Variants in ARID1B observed in about 807,000 individuals in gnomAD.
ARID1B encodes AT-rich interactive domain-containing protein 1B.
In ARID1B, 30 loss-of-function variants were observed where a neutral mutation model predicts 212.3. That is an observed-to-expected ratio of 0.14 (90% CI 0.11 to 0.19). The LOEUF is 0.19. Ranked by LOEUF, ARID1B falls within the 10% of genes least tolerant of loss-of-function variation. The pLI is 1.00. For missense variants in ARID1B, 2,891 were observed against 3,204.0 expected, an observed-to-expected ratio of 0.90 and a Z score of 2.36; for synonymous variants, 1,402 against 1,301.7, an observed-to-expected ratio of 1.08 and a Z score of -1.66.
At chr6:156,894,292 G>A (rs1289116493) in intron 2 of ARID1B, among the ~76,000 whole-genome samples, 1 of 114,092 alleles carries the variant, frequency 8.8e-6, no homozygotes, top group East Asian at 2.6e-4. Context: ...GGGCCGGGGG[G>A]TTGGGATGGG....
intron 4 of ARID1B, chr6:156,936,659 CAAAAAAAAAA>C (rs1156493021): frequency 1.0e-5 from 1 of 96,432 alleles, no homozygotes; most frequent in Non-Finnish European, 2.3e-5. Context: ...GACTCCATCT[CAAAAAAAAAA>C]AAAAAAAAAA....
chr6:157,048,501 A>G (rs1165953661), intron 4 of ARID1B, among the ~76,000 whole-genome samples: 1 of 152,218 alleles, frequency 6.6e-6, no homozygotes, highest in Non-Finnish European at 1.5e-5. Flanking sequence ...ACAAGTTTGG[A>G]AGGAATAAAA....
intron 4 of ARID1B, among the ~76,000 whole-genome samples, chr6:156,945,307 G>C (rs1310549916): frequency 7.6e-6 from 1 of 132,380 alleles, no homozygotes; most frequent in Non-Finnish European, 1.6e-5. Context: ...TCTGGGTAGA[G>C]TGGTGTGTTA....
intron 3 of ARID1B, among the ~76,000 whole-genome samples, chr6:156,922,328 G>A (rs1377566685): frequency 2.6e-5 from 4 of 151,804 alleles, no homozygotes; most frequent in Admixed American, 6.6e-5. Context: ...GCATGCCACC[G>A]TGCCCAGCTA....
chr6:156,779,086 G>A lies in ARID1B; in HGVS notation c.1406G>A (p.Gly469Glu), dbSNP rs1778967647. Residue 469 changes from glycine to glutamate, a missense_variant, in exon 1 of 20, where the codon GGG becomes GAG. Gly to Glu is a moderately conservative substitution (Grantham distance 98). Around this residue, in one of 7 missense-constraint regions of ARID1B, gnomAD observed 1,643 missense variants for 1,544.0 expected, o/e 1.06. Transcript: ENST00000636930. ...GGMMMGPGGG[G>E]AASLSKAAAG... is the part of the protein sequence containing the mutation. ...ATGATGATGGGCCCCGGGGGCGGCG[G>A]GGCCGCGAGCCTCAGCAAGGCGGCC... 1.1e-5 allele frequency: 13 copies of A among 1,226,100 alleles called. No homozygotes were observed. The South Asian group carries it at 4.5e-4, about 43-fold the overall frequency. The allele number at this position is 1,226,100 out of a possible 1,614,324, so 76.0% of individuals were successfully genotyped here.
intron 6 of ARID1B, chr6:157,110,818 A>G (rs1201952377): frequency 5.5e-6 from 3 of 542,218 alleles, no homozygotes; most frequent in Non-Finnish European, 1.0e-5. Flanking sequence ...ACCATGAAGC[A>G]TGGTTCACAT....
At chr6:156,888,805 C>T (rs1787712377) in intron 2 of ARID1B, among the ~76,000 whole-genome samples, 2 of 152,182 alleles carry the variant, frequency 1.3e-5, no homozygotes, top group Admixed American at 1.3e-4. Flanking sequence ...TCCACGTATC[C>T]TATGACCTTC....
rs376461193 is a variant in ARID1B, at chr6:157,209,707, A to G, written c.*1816A>G. 2.1e-5 allele frequency: 5 copies of G among 233,102 alleles called. No individual in the cohort carries two copies. Among genetic ancestry groups the G allele is most frequent in the Non-Finnish European group, 4.2e-5 (5 of 118,034 alleles). The allele number at this position is 233,102 out of a possible 1,614,324, so 14.4% of individuals were successfully genotyped here. A position where few individuals can be genotyped will look rare whatever the true frequency, so the allele number is the denominator to read the frequency against. On this transcript the variant is annotated 3_prime_UTR_variant, in exon 20 of 20. Transcript: ENST00000636930. ...CCGTGTATAATATTTATACTGTGCA[A>G]TGTTAAAAAAGAATCTGTTATATTG...
At chr6:156,935,688 ACTT>A in intron 4 of ARID1B, 112 bp downstream of exon 4, 1 of 977,292 alleles carries the variant, frequency 1.0e-6, no homozygotes, top group Non-Finnish European at 1.5e-6. Flanking sequence ...AAGTTTCTAG[ACTT>A]CAGGTTTATT....
intron 2 of ARID1B, among the ~76,000 whole-genome samples, chr6:156,892,760 A>G (rs989987543): frequency 5.9e-5 from 9 of 152,216 alleles, no homozygotes; most frequent in Non-Finnish European, 1.0e-4. Flanking sequence ...TTTGAATTTC[A>G]TGCAAACAGA....
At chr6:157,102,542 G>C (rs1786125166) in intron 5 of ARID1B, among the ~76,000 whole-genome samples, 1 of 150,652 alleles carries the variant, frequency 6.6e-6, no homozygotes, top group Admixed American at 6.6e-5. Flanking sequence ...CTATGTCAGT[G>C]CTGTTGTTAT....
intron 4 of ARID1B, among the ~76,000 whole-genome samples, chr6:157,010,021 G>C (rs1474689098): frequency 6.6e-6 from 1 of 152,196 alleles, no homozygotes; most frequent in Non-Finnish European, 1.5e-5. Flanking sequence ...CTTCTCATAT[G>C]AAAGAGTGTT....
At chr6:157,178,311 G>A (rs771868860) in intron 11 of ARID1B, among the ~76,000 whole-genome samples, 4 of 152,178 alleles carry the variant, frequency 2.6e-5, no homozygotes, top group Admixed American at 2.0e-4. Flanking sequence ...AGCATGCAGA[G>A]CACCACGCTA....
chr6:157,198,940 T>G (rs1793926640), intron 17 of ARID1B, 33 bp downstream of exon 17: 1 of 1,529,504 alleles, frequency 6.5e-7, no homozygotes, highest in Non-Finnish European at 8.9e-7. Flanking sequence ...GGTGCTGTGT[T>G]TTCTGGTTCT....
chr6:156,927,208 T>G (rs1791295995), intron 3 of ARID1B, among the ~76,000 whole-genome samples: 1 of 152,200 alleles, frequency 6.6e-6, no homozygotes, highest in South Asian at 2.1e-4. Context: ...AACAATTTGT[T>G]GTTATCTTTT....
chr6:157,189,116 T>C (rs1386212675), intron 13 of ARID1B, among the ~76,000 whole-genome samples: 2 of 152,236 alleles, frequency 1.3e-5, no homozygotes, highest in Non-Finnish European at 2.9e-5. Flanking sequence ...ATAAGGCTCA[T>C]TGTTAATTTG....
intron 3 of ARID1B, among the ~76,000 whole-genome samples, chr6:156,916,970 T>C (rs556423590): frequency 6.6e-6 from 1 of 152,328 alleles, no homozygotes; most frequent in East Asian, 1.9e-4. Context: ...CAGTACCCTT[T>C]CTTGTGACCG....
At chr6:157,144,654 G>T (rs1338053071) in intron 7 of ARID1B, among the ~76,000 whole-genome samples, 2 of 149,432 alleles carry the variant, frequency 1.3e-5, no homozygotes, top group Non-Finnish European at 3.0e-5. Context: ...AAGTCGTGAG[G>T]ACTGGGACTC....
chr6:156,903,832 G>A (rs1367502204), intron 3 of ARID1B, among the ~76,000 whole-genome samples: 2 of 152,086 alleles, frequency 1.3e-5, no homozygotes, highest in Non-Finnish European at 2.9e-5. Context: ...TTTCAAATGT[G>A]GTTTATGTAA....
Sources: gnomAD v4.1 joint callset for allele counts (sites outside exome capture counted in the v4.1 genomes callset) on GRCh38, gnomAD v4.1.1 for gene constraint, gnomAD v4.1.1 regional missense constraint, MANE v1.5 for transcripts, NCBI Gene and HGNC (gene_info 2026-07-23, HGNC 2026-07-21) for gene names.